The following SRGAP1 variants were observed in gnomAD, a reference collection of about 807,000 sequenced individuals.
The protein encoded by SRGAP1 is SLIT-ROBO Rho GTPase-activating protein 1.
In SRGAP1, 43 loss-of-function variants were observed where a neutral mutation model predicts 121.9. The observed-to-expected ratio is 0.35, with a 90% CI of 0.28 to 0.46. The LOEUF (loss-of-function observed/expected upper bound fraction) is 0.46, where lower values mean the gene tolerates loss of function less well. Among genes scored for constraint, SRGAP1 ranks in the 20% least tolerant of loss-of-function variants. The pLI is 1.00. For missense variants in SRGAP1, 1,102 were observed against 1,350.9 expected (o/e 0.82, Z 2.89); for synonymous variants, 447 against 485.4 (o/e 0.92, Z 1.04).
intron 1 of SRGAP1, among the ~76,000 whole-genome samples, chr12:63,908,392 T>C (rs1017261188): frequency 2.6e-5 from 4 of 152,190 alleles, no homozygotes; most frequent in African/African-American, 7.2e-5. Flanking sequence ...TTTTCAACAA[T>C]GTTTTGTAGT....
intron 8 of SRGAP1, 40 bp from the exon 9 acceptor site, chr12:64,078,878 GA>G (rs759799044): frequency 1.3e-6 from 2 of 1,594,212 alleles, no homozygotes; most frequent in African/African-American, 2.7e-5. Flanking sequence ...TGGGATTCAT[GA>G]AATAATGTAC....
chr12:63,937,798 C>T (rs2031715766), intron 1 of SRGAP1, among the ~76,000 whole-genome samples: 2 of 152,228 alleles, frequency 1.3e-5, no homozygotes, highest in Admixed American at 1.3e-4. Flanking sequence ...ACTCTAAATG[C>T]AAAGCCACAG....
intron 8 of SRGAP1, among the ~76,000 whole-genome samples, chr12:64,066,669 T>C (rs1228720129): frequency 6.6e-6 from 1 of 152,158 alleles, no homozygotes; most frequent in Admixed American, 6.5e-5. Context: ...TTATTCCGAG[T>C]AGAAACAAAC....
chr12:63,908,602 C>G (rs1218470851), intron 1 of SRGAP1, among the ~76,000 whole-genome samples: 1 of 152,072 alleles, frequency 6.6e-6, no homozygotes, highest in East Asian at 1.9e-4. Context: ...GTTGGCCAGG[C>G]TGGTCTTGAA....
In SRGAP1 at chr12:64,119,110, C is replaced by A. The variant is rs576505650; in HGVS notation, c.2224+3217C>A. ...ATGGGATGAGGTAGGGATCCATTCC[C>A]TTTTTCTTTATATGGATATGTAATT... On this transcript the variant is annotated intron_variant, in intron 18 of 21. Transcript: ENST00000355086. Among the ~76,000 whole-genome samples the A allele has an allele frequency of 8.9e-4, 136 of 152,232 alleles. 1 individual carries two copies. Among genetic ancestry groups the A allele is most frequent in the African/African-American group, 3.2e-3 (135 of 41,546 alleles).
intron 8 of SRGAP1, among the ~76,000 whole-genome samples, chr12:64,076,091 C>T (rs2035733056): frequency 1.3e-5 from 2 of 152,120 alleles, no homozygotes; most frequent in African/African-American, 4.8e-5. Context: ...ATATTTTGAA[C>T]AGTAATAAAA....
intron 1 of SRGAP1, among the ~76,000 whole-genome samples, chr12:63,927,195 T>TTGGAAG (rs1405330267): frequency 6.6e-6 from 1 of 152,216 alleles, no homozygotes; most frequent in Non-Finnish European, 1.5e-5. Context: ...CTCCCATGGC[T>TTGGAAG]TGGAAGACTT....
At chr12:64,129,326 G>A (rs920221428) in intron 21 of SRGAP1, among the ~76,000 whole-genome samples, 14 of 152,236 alleles carry the variant, frequency 9.2e-5, no homozygotes, top group Non-Finnish European at 7.4e-5. Flanking sequence ...CATACAGCAC[G>A]GGAGGAAGAC....
intron 10 of SRGAP1, among the ~76,000 whole-genome samples, chr12:64,083,049 C>G (rs944084561): frequency 1.3e-5 from 2 of 152,180 alleles, no homozygotes; most frequent in Non-Finnish European, 2.9e-5. Context: ...CACCTTTTAA[C>G]TCAACCATTA....
At chr12:64,070,030 G>A (rs1381956337) in intron 8 of SRGAP1, among the ~76,000 whole-genome samples, 3 of 152,204 alleles carry the variant, frequency 2.0e-5, no homozygotes, top group Non-Finnish European at 2.9e-5. Context: ...AGCCACAGCC[G>A]GCTCACATTA....
At chr12:64,070,009 T>TTACA (rs1288465110) in intron 8 of SRGAP1, among the ~76,000 whole-genome samples, 2 of 152,188 alleles carry the variant, frequency 1.3e-5, no homozygotes, top group Non-Finnish European at 2.9e-5. Flanking sequence ...AGTGCTGGGA[T>TTACA]TACAGGTGAG....
At chr12:63,850,642 C>G (rs1267108021) in intron 1 of SRGAP1, among the ~76,000 whole-genome samples, 1 of 150,150 alleles carries the variant, frequency 6.7e-6, no homozygotes, top group Non-Finnish European at 1.5e-5. Context: ...CCATGTTGCC[C>G]AGACTGGTCT....
At chr12:64,087,498 C>CT (rs2035969462) in intron 11 of SRGAP1, among the ~76,000 whole-genome samples, 2 of 152,124 alleles carry the variant, frequency 1.3e-5, no homozygotes, top group Admixed American at 6.5e-5. Flanking sequence ...CTTTGGGAGA[C>CT]TGAGGCGGGT....
intron 1 of SRGAP1, among the ~76,000 whole-genome samples, chr12:63,943,380 T>C (rs1016331605): frequency 1.3e-5 from 2 of 152,232 alleles, no homozygotes; most frequent in Non-Finnish European, 2.9e-5. Flanking sequence ...ATAACATTCA[T>C]TGAGCTCTTA....
intron 8 of SRGAP1, among the ~76,000 whole-genome samples, chr12:64,067,286 A>T (rs1449156962): frequency 2.6e-5 from 4 of 152,176 alleles, no homozygotes; most frequent in Non-Finnish European, 1.5e-5. Flanking sequence ...GTTAATTTTT[A>T]AAAATTATCT....
chr12:64,123,791 G>A (rs1246923461), intron 18 of SRGAP1, among the ~76,000 whole-genome samples: 1 of 151,614 alleles, frequency 6.6e-6, no homozygotes, highest in East Asian at 1.9e-4. Flanking sequence ...GATTACAGGC[G>A]AGAGCCACTG....
chr12:63,929,815 T>G lies in SRGAP1; in HGVS notation c.68-54132T>G, dbSNP rs140560236. ...GCTAAACTATAATTCAAAACAAAGT[T>G]CAAAACATTTTTTTCTTTTTCTATA... On this transcript the variant is annotated intron_variant, in intron 1 of 21. Transcript: ENST00000355086. Among the ~76,000 whole-genome samples the G allele has an allele frequency of 4.6e-5, 7 of 152,272 alleles. No individual in the cohort carries two copies. In the East Asian group the frequency reaches 1.4e-3, roughly 29 times the overall value.
At chr12:64,057,845 T>G (rs796075658) in intron 6 of SRGAP1, among the ~76,000 whole-genome samples, 12 of 152,330 alleles carry the variant, frequency 7.9e-5, no homozygotes, top group African/African-American at 2.6e-4. Context: ...CGACAACTGC[T>G]GAATTCTGGA....
intron 1 of SRGAP1, among the ~76,000 whole-genome samples, chr12:63,932,512 A>T (rs1373409342): frequency 1.3e-5 from 2 of 152,356 alleles, no homozygotes; most frequent in East Asian, 3.9e-4. Context: ...GGTATGCATG[A>T]CCGTCATATA....
Sources: gnomAD v4.1 joint callset for allele counts (sites outside exome capture counted in the v4.1 genomes callset) on GRCh38, gnomAD v4.1.1 for gene constraint, MANE v1.5 for transcripts, NCBI Gene and HGNC (gene_info 2026-07-23, HGNC 2026-07-21) for gene names.